The following ASAP1 variants were observed in gnomAD, a reference collection of about 807,000 sequenced individuals.
ASAP1 encodes the protein arf-GAP with SH3 domain, ANK repeat and PH domain-containing protein 1.
A neutral mutation model predicts 145.2 loss-of-function variants in ASAP1; 43 were observed. That is an observed-to-expected ratio of 0.30 (90% CI 0.23 to 0.38). The LOEUF is 0.38. Ranked by LOEUF, ASAP1 falls within the 10% of genes least tolerant of loss-of-function variation. ASAP1 has a pLI of 1.00. For missense variants in ASAP1, 1,018 were observed against 1,355.3 expected, an observed-to-expected ratio of 0.75 and a Z score of 3.91; for synonymous variants, 546 against 515.5, an observed-to-expected ratio of 1.06 and a Z score of -0.80.
chr8:130,100,762 T>A (rs180780450), intron 24 of ASAP1, among the ~76,000 whole-genome samples: 1 of 152,244 alleles, frequency 6.6e-6, no homozygotes, highest in East Asian at 1.9e-4. Context: ...GATGAATAGT[T>A]TGCAGATAGT....
chr8:130,258,921 C>A lies in ASAP1; in HGVS notation c.187-21927G>T, dbSNP rs116501836. Among the ~76,000 whole-genome samples the A allele has an allele frequency of 7.9e-3, 1,196 of 152,292 alleles. 16 individuals are homozygous for A. Among genetic ancestry groups the A allele is most frequent in the African/African-American group, 0.028 (1,149 of 41,538 alleles). On this transcript the variant is annotated intron_variant, in intron 3 of 29. Coordinates refer to ENST00000518721, the MANE Select transcript of ASAP1 (RefSeq NM_018482.4). Reference sequence around the variant, plus strand: ...TTATGCCTTCCCTACTCCTCTCCTCCCCAATTTTGGGGCAAGTGGTAGGAA... The same window carrying A: ...TTATGCCTTCCCTACTCCTCTCCTCACCAATTTTGGGGCAAGTGGTAGGAA...
chr8:130,259,388 C>T (rs1018949554), intron 3 of ASAP1, among the ~76,000 whole-genome samples: 1 of 152,190 alleles, frequency 6.6e-6, no homozygotes, highest in Non-Finnish European at 1.5e-5. Flanking sequence ...AAAGTGGATG[C>T]TAAAATGCTT....
intron 27 of ASAP1, 65 bp downstream of exon 27, chr8:130,076,282 CT>C: frequency 8.2e-7 from 1 of 1,222,302 alleles, no homozygotes; most frequent in Non-Finnish European, 1.2e-6. Context: ...AGATAAAAAC[CT>C]TGGGCCCCTT....
intron 18 of ASAP1, among the ~76,000 whole-genome samples, chr8:130,123,200 G>A (rs184007251): frequency 9.9e-4 from 151 of 152,286 alleles, no homozygotes; most frequent in South Asian, 3.3e-3. Flanking sequence ...CCAGGAGTGG[G>A]ACTGCTGAGT....
At chr8:130,087,272 C>G (rs1211389710) in intron 25 of ASAP1, among the ~76,000 whole-genome samples, 2 of 152,100 alleles carry the variant, frequency 1.3e-5, no homozygotes, top group Non-Finnish European at 2.9e-5. Flanking sequence ...ATAATCCCAG[C>G]ACTTTGAGAG....
chr8:130,175,461 A>C (rs1157177328), intron 9 of ASAP1, among the ~76,000 whole-genome samples: 1 of 152,102 alleles, frequency 6.6e-6, no homozygotes, highest in Non-Finnish European at 1.5e-5. Flanking sequence ...CCTGGGCTCA[A>C]GTGATCCTCC....
intron 25 of ASAP1, 87 bp downstream of exon 25, chr8:130,091,886 C>T: frequency 1.5e-6 from 2 of 1,373,064 alleles, no homozygotes; most frequent in Non-Finnish European, 1.9e-6. Context: ...GGCACACTTT[C>T]TGAATGTGCT....
intron 3 of ASAP1, among the ~76,000 whole-genome samples, chr8:130,239,246 T>C (rs1311089178): frequency 1.3e-5 from 2 of 152,120 alleles, no homozygotes; most frequent in African/African-American, 4.8e-5. Flanking sequence ...GATTTAAGAT[T>C]TGCATTGTAG....
intron 25 of ASAP1, among the ~76,000 whole-genome samples, chr8:130,085,094 G>A (rs1427610255): frequency 6.6e-6 from 1 of 152,142 alleles, no homozygotes; most frequent in Non-Finnish European, 1.5e-5. Context: ...GGTTTCCCAC[G>A]TGCACTGCAG....
At position 130,092,036 on chromosome 8, in the gene ASAP1, T is replaced by C; in HGVS notation, c.2509A>G (p.Thr837Ala). 2 of 1,577,240 alleles carry C rather than the reference T, an allele frequency of 1.3e-6. No individual in the cohort carries two copies. Among genetic ancestry groups the C allele is most frequent in the Non-Finnish European group, 1.7e-6 (2 of 1,165,818 alleles). ...AGTGGGCTGGGAGGGTCGGATAGGG[T>C]TCTCTTGTGTCCGGGTGGTGGGGGA... The part of the protein sequence containing the change: ...PPPPPPGHKR[T>A]LSDPPSPLPH... Residue 837 changes from threonine to alanine, a missense_variant, in exon 25 of 30, where the codon ACC becomes GCC. Thr to Ala is a moderately conservative substitution (Grantham distance 58, BLOSUM62 0). Coordinates refer to ENST00000518721, the MANE Select transcript of ASAP1 (RefSeq NM_018482.4).
chr8:130,108,766 T>G (rs1460536893), intron 24 of ASAP1, among the ~76,000 whole-genome samples: 1 of 104,664 alleles, frequency 9.6e-6, no homozygotes, highest in Non-Finnish European at 2.0e-5. Flanking sequence ...AGTTTTTTTT[T>G]TTTTTTTTTT....
At chr8:130,284,922 A>T (rs545312745) in intron 3 of ASAP1, among the ~76,000 whole-genome samples, 61 of 152,052 alleles carry the variant, frequency 4.0e-4, no homozygotes, top group African/African-American at 1.4e-3. Context: ...AGACAGAGAG[A>T]CATACACTCA....
chr8:130,157,530 T>C (rs1409984078), intron 12 of ASAP1, among the ~76,000 whole-genome samples: 1 of 152,166 alleles, frequency 6.6e-6, no homozygotes, highest in African/African-American at 2.4e-5. Context: ...TCTGCTTTGC[T>C]TGGTAGTCAG....
chr8:130,393,787 C>G (rs1586964058), intron 2 of ASAP1, among the ~76,000 whole-genome samples: 1 of 152,142 alleles, frequency 6.6e-6, no homozygotes, highest in Non-Finnish European at 1.5e-5. Flanking sequence ...ACAGAGGGAC[C>G]AGCTGAAGCC....
At chr8:130,107,507 TTTTA>T (rs1404435586) in intron 24 of ASAP1, among the ~76,000 whole-genome samples, 1 of 139,780 alleles carries the variant, frequency 7.2e-6, no homozygotes, top group Admixed American at 7.5e-5. Context: ...TTTTTTTTTT[TTTTA>T]AAAAATGTAT....
At chr8:130,176,969 C>T (rs1248926508) in intron 9 of ASAP1, among the ~76,000 whole-genome samples, 4 of 152,134 alleles carry the variant, frequency 2.6e-5, no homozygotes, top group Non-Finnish European at 5.9e-5. Context: ...GGATTACAGG[C>T]GTGAGCCACC....
intron 3 of ASAP1, among the ~76,000 whole-genome samples, chr8:130,299,722 T>C (rs1331747308): frequency 6.6e-6 from 1 of 152,162 alleles, no homozygotes; most frequent in Non-Finnish European, 1.5e-5. Flanking sequence ...GCAGAAACTT[T>C]CCAGCACAGA....
At chr8:130,375,538 T>C (rs1162726389) in intron 2 of ASAP1, among the ~76,000 whole-genome samples, 2 of 148,484 alleles carry the variant, frequency 1.3e-5, no homozygotes, top group Admixed American at 1.3e-4. Context: ...CCAGTATAAG[T>C]TGGACTCTCG....
chr8:130,403,301 T>TTTAAAAA (rs60441663), intron 1 of ASAP1, among the ~76,000 whole-genome samples: 177 of 151,092 alleles, frequency 1.2e-3, no homozygotes, highest in African/African-American at 4.2e-3. Flanking sequence ...TGTTTTTTTT[T>TTTAAAAA]AAAAAACCCA....
Sources: gnomAD v4.1 joint callset for allele counts (sites outside exome capture counted in the v4.1 genomes callset) on GRCh38, gnomAD v4.1.1 for gene constraint, MANE v1.5 for transcripts, NCBI Gene and HGNC (gene_info 2026-07-23, HGNC 2026-07-21) for gene names.